PUDP: variants seen among roughly 807,000 people sequenced by gnomAD.
The protein encoded by PUDP is pseudouridine-5'-phosphatase.
Under a neutral mutation model 9.4 loss-of-function variants are expected in PUDP, and 8 were observed. That is an observed-to-expected ratio of 0.85 (90% CI 0.50 to 1.53). The LOEUF is 1.53. Ranked by LOEUF, PUDP falls within the 40% of genes most tolerant of loss-of-function variation. The pLI is 0.00. For missense variants in PUDP, 188 were observed against 189.7 expected (o/e 0.99, Z 0.05); for synonymous variants, 99 against 80.7 (o/e 1.23, Z -1.22).
chrX:7,077,432 T>C lies in PUDP; in HGVS notation c.298A>G (p.Ile100Val), dbSNP rs1930947762. ...GGGATGCCATGTTTCCGCAGGTGGA[T>C]GATGAGTTTCTCCGCCCCTGGGGAG... ...ALMPGAEKLI[I>V]HLRKHGIPFA... The change falls in exon 3 of 4, where the codon ATC (isoleucine) becomes GTC (valine). Residue 100 changes from isoleucine to valine, a missense_variant. Coordinates refer to ENST00000381077, the MANE Select transcript of PUDP (RefSeq NM_012080.5). 1.7e-6 allele frequency: 2 copies of C among 1,209,790 alleles called. No individual in the cohort carries two copies.
intron 1 of PUDP, among the ~76,000 whole-genome samples, chrX:6,982,232 C>T (rs1929045988): frequency 8.9e-6 from 1 of 111,970 alleles, no homozygotes; most frequent in African/African-American, 3.2e-5. Flanking sequence ...CTAATGTGTT[C>T]CTCCTGCCAA....
chrX:7,119,119 C>T (rs991437689), intron 1 of PUDP, among the ~76,000 whole-genome samples: 1 of 112,166 alleles, frequency 8.9e-6, no homozygotes, highest in Non-Finnish European at 1.9e-5. Context: ...GAAATGTCCT[C>T]TCAGACCCGA....
chrX:7,070,625 C>T (rs1329567148), intron 3 of PUDP, among the ~76,000 whole-genome samples: 3 of 110,798 alleles, frequency 2.7e-5, no homozygotes, highest in African/African-American at 9.9e-5. Flanking sequence ...GTCACCCAGG[C>T]TGGAGTGCAA....
At chrX:7,051,001 G>A (rs1930085477) in intron 3 of PUDP, among the ~76,000 whole-genome samples, 1 of 111,810 alleles carries the variant, frequency 8.9e-6, no homozygotes, top group African/African-American at 3.3e-5. Flanking sequence ...GTGCGTGCAT[G>A]CTCTCTTTTG....
rs1929371305 is a variant in PUDP at position 7,004,297 on chromosome X, C to T, written c.205-25954G>A. Reference sequence around the variant, plus strand: ...TTGTCCAGAGTCAGGAGCTAAGCCTCATTTTTTTTTGTTTTAGCTCAGTGT... The same window carrying T: ...TTGTCCAGAGTCAGGAGCTAAGCCTTATTTTTTTTTGTTTTAGCTCAGTGT... On this transcript the variant is annotated intron_variant and NMD_transcript_variant, in intron 1 of 3. Transcript: ENST00000655425. 2.7e-5 allele frequency among the ~76,000 whole-genome samples: 3 copies of T among 111,711 alleles called. No individual in the cohort carries two copies. In the South Asian group the frequency reaches 1.1e-3, roughly 42 times the overall value.
At chrX:6,964,420 C>A (rs987659612) in intron 3 of PUDP, among the ~76,000 whole-genome samples, 1 of 112,149 alleles carries the variant, frequency 8.9e-6, no homozygotes, top group Non-Finnish European at 1.9e-5. Flanking sequence ...TGCCTATAAT[C>A]CCAGTACTTT....
chrX:6,744,424 G>A (rs969583467), intron 3 of PUDP, among the ~76,000 whole-genome samples: 3 of 111,421 alleles, frequency 2.7e-5, no homozygotes, highest in African/African-American at 9.8e-5. Context: ...GAAGTGTTAC[G>A]GCTACAATGG....
intron 3 of PUDP, among the ~76,000 whole-genome samples, chrX:6,767,782 C>T (rs892877337): frequency 8.9e-6 from 1 of 112,223 alleles, no homozygotes; most frequent in African/African-American, 3.2e-5. Context: ...TTGAACCCCT[C>T]TCCAGCTTTC....
chrX:6,996,409 C>T (rs1929250304), intron 1 of PUDP, among the ~76,000 whole-genome samples: 1 of 110,756 alleles, frequency 9.0e-6, no homozygotes, highest in South Asian at 3.9e-4. Context: ...ATCATTCCAA[C>T]TTCCAACACA....
At chrX:6,755,712 G>C (rs897091706) in intron 3 of PUDP, among the ~76,000 whole-genome samples, 1 of 110,934 alleles carries the variant, frequency 9.0e-6, no homozygotes, top group African/African-American at 3.3e-5. Flanking sequence ...AATGTATATG[G>C]AGCATCTGTG....
At chrX:6,877,369 A>G (rs1297943870) in intron 3 of PUDP, among the ~76,000 whole-genome samples, 1 of 112,077 alleles carries the variant, frequency 8.9e-6, no homozygotes, top group African/African-American at 3.2e-5. Flanking sequence ...TTTTAAAGAA[A>G]TAGAAAGGCT....
chrX:6,791,336 G>A (rs1238469519), intron 3 of PUDP, among the ~76,000 whole-genome samples: 2 of 104,013 alleles, frequency 1.9e-5, no homozygotes, highest in South Asian at 4.2e-4. Flanking sequence ...AAAAAAAGAA[G>A]AAGGAAAAGA....
At chrX:6,767,150 C>G (rs1236066937) in intron 3 of PUDP, among the ~76,000 whole-genome samples, 1 of 112,981 alleles carries the variant, frequency 8.9e-6, no homozygotes, top group South Asian at 3.6e-4. Flanking sequence ...ATTGAATAGG[C>G]CCAGCCTTGT....
chrX:6,936,069 A>G (rs1234837428), intron 3 of PUDP, among the ~76,000 whole-genome samples: 6 of 110,634 alleles, frequency 5.4e-5, no homozygotes, highest in Admixed American at 9.7e-5. Flanking sequence ...GGAGGAACTG[A>G]TACCATTCCT....
intron 1 of PUDP, among the ~76,000 whole-genome samples, chrX:7,139,021 T>C (rs1205484365): frequency 1.8e-5 from 2 of 112,185 alleles, no homozygotes; most frequent in South Asian, 3.7e-4. Flanking sequence ...TATCCATTTT[T>C]CTTCTTGGCT....
chrX:6,945,563 G>A (rs753898721), intron 3 of PUDP, among the ~76,000 whole-genome samples: 2 of 111,305 alleles, frequency 1.8e-5, no homozygotes, highest in Non-Finnish European at 3.8e-5. Flanking sequence ...TATACACAAA[G>A]AAATCAAAGA....
intron 1 of PUDP, among the ~76,000 whole-genome samples, chrX:7,038,610 G>A (rs993900691): frequency 9.0e-5 from 10 of 111,536 alleles, no homozygotes; most frequent in African/African-American, 3.3e-4. Flanking sequence ...CTTCCCAGTA[G>A]TATAGTGCAA....
chrX:6,846,970 T>A (rs1226135798), intron 3 of PUDP, among the ~76,000 whole-genome samples: 2 of 111,562 alleles, frequency 1.8e-5, no homozygotes, highest in Non-Finnish European at 3.8e-5. Context: ...ATAATCCATC[T>A]AAAGTCCAGC....
intron 3 of PUDP, among the ~76,000 whole-genome samples, chrX:6,941,485 T>C (rs1387395761): frequency 9.2e-6 from 1 of 108,276 alleles, no homozygotes; most frequent in African/African-American, 3.4e-5. Flanking sequence ...CACACTACCA[T>C]GCCCGGCTAA....
Sources: gnomAD v4.1 joint callset for allele counts (sites outside exome capture counted in the v4.1 genomes callset) on GRCh38, gnomAD v4.1.1 for gene constraint, MANE v1.5 for transcripts, NCBI Gene and HGNC (gene_info 2026-07-23, HGNC 2026-07-21) for gene names.